The following AFG2A variants were observed in gnomAD, a reference collection of about 807,000 sequenced individuals.
AFG2A encodes AAA ATPase AFG2A.
the AFG2A span, among the ~76,000 whole-genome samples, chr4:123,154,984 C>A: frequency 1.3e-5 from 2 of 152,062 alleles, no homozygotes; most frequent in Admixed American, 6.6e-5. Context: ...TCCCTCTTTT[C>A]TTCCCTCCCT....
chr4:123,211,918 G>T, the AFG2A span, among the ~76,000 whole-genome samples: 139 of 152,128 alleles, frequency 9.1e-4, no homozygotes, highest in Non-Finnish European at 1.7e-3. Context: ...TAATGGACAG[G>T]ATTGGATATA....
chr4:123,074,568 A>G, the AFG2A span, among the ~76,000 whole-genome samples: 1 of 151,150 alleles, frequency 6.6e-6, no homozygotes, highest in African/African-American at 2.4e-5. Flanking sequence ...TGAGTTCTTA[A>G]TTTTTATTAT....
the AFG2A span, chr4:122,947,115 G>A: frequency 1.1e-6 from 1 of 901,526 alleles, no homozygotes; most frequent in Non-Finnish European, 1.5e-6. Context: ...TAAGAAATAG[G>A]ACTTAGTAGC....
At chr4:123,257,067 A>G in the AFG2A span, among the ~76,000 whole-genome samples, 693 of 152,252 alleles carry the variant, frequency 4.6e-3, 5 homozygotes, top group Middle Eastern at 0.017. Context: ...TTTGCTTGCT[A>G]TTGTTTTCAT....
the AFG2A span, among the ~76,000 whole-genome samples, chr4:122,929,766 T>A: frequency 1.1e-3 from 167 of 152,154 alleles, 1 homozygote; most frequent in Middle Eastern, 3.4e-3. Context: ...TCAAAATCAA[T>A]GTGTATGTTA....
the AFG2A span, among the ~76,000 whole-genome samples, chr4:123,020,950 C>A: frequency 6.6e-6 from 1 of 152,078 alleles, no homozygotes; most frequent in East Asian, 1.9e-4. Context: ...ATAAACATTA[C>A]GATTTTTTTC....
chr4:123,085,454 C>T, the AFG2A span, among the ~76,000 whole-genome samples: 1 of 152,044 alleles, frequency 6.6e-6, no homozygotes, highest in Non-Finnish European at 1.5e-5. Flanking sequence ...ATATAATACC[C>T]CTTTTGGTCT....
chr4:123,161,712 C>A, the AFG2A span, among the ~76,000 whole-genome samples: 1 of 152,096 alleles, frequency 6.6e-6, no homozygotes, highest in East Asian at 1.9e-4. Flanking sequence ...TGAGATTTTA[C>A]AAAGGTTAAT....
At chr4:123,012,547 A>G in the AFG2A span, among the ~76,000 whole-genome samples, 9 of 152,292 alleles carry the variant, frequency 5.9e-5, no homozygotes, top group South Asian at 2.1e-4. Context: ...TCAGACACCA[A>G]TGAAATGTGG....
At chr4:123,084,900 C>T in the AFG2A span, among the ~76,000 whole-genome samples, 2 of 151,966 alleles carry the variant, frequency 1.3e-5, no homozygotes, top group Admixed American at 6.6e-5. Context: ...CAAAGTTCTG[C>T]GATTACAGGC....
At chr4:123,118,583 C>CT in the AFG2A span, among the ~76,000 whole-genome samples, 3 of 151,486 alleles carry the variant, frequency 2.0e-5, no homozygotes, top group Non-Finnish European at 4.4e-5. Flanking sequence ...TATTGTCAGT[C>CT]TTTTGCCACT....
At chr4:123,167,528 T>C in the AFG2A span, among the ~76,000 whole-genome samples, 1 of 152,044 alleles carries the variant, frequency 6.6e-6, no homozygotes, top group Non-Finnish European at 1.5e-5. Flanking sequence ...TTTGTATTTT[T>C]AGTAGAGACG....
chr4:122,959,779 A>C, the AFG2A span, among the ~76,000 whole-genome samples: 1 of 152,168 alleles, frequency 6.6e-6, no homozygotes, highest in Non-Finnish European at 1.5e-5. Context: ...ACTTTGTGAG[A>C]GTGATAATGC....
chr4:123,039,647 C>T, the AFG2A span, among the ~76,000 whole-genome samples: 87 of 151,828 alleles, frequency 5.7e-4, no homozygotes, highest in Non-Finnish European at 1.1e-3. Flanking sequence ...CTTTGTACTA[C>T]AATCGTTTTT....
chr4:123,113,851 C>T, the AFG2A span, among the ~76,000 whole-genome samples: 2 of 152,128 alleles, frequency 1.3e-5, no homozygotes, highest in African/African-American at 4.8e-5. Context: ...CAGAAGAGGC[C>T]TGCAGTGAGT....
chr4:123,029,249 C>T, the AFG2A span, among the ~76,000 whole-genome samples: 1 of 152,120 alleles, frequency 6.6e-6, no homozygotes, highest in Non-Finnish European at 1.5e-5. Context: ...AGGTGCCTGG[C>T]AAATTTTTTG....
At chr4:123,314,395 AACATGTTGGCATCAATTTTAT>A in the AFG2A span, 2 of 163,560 alleles carry the variant, frequency 1.2e-5, no homozygotes, top group African/African-American at 4.8e-5. Context: ...TAAAATGCCA[AACATGTTGGCATCAATTTTAT>A]ACAGGGATAT....
the AFG2A span, among the ~76,000 whole-genome samples, chr4:123,046,374 G>A: frequency 2.6e-5 from 4 of 152,152 alleles, no homozygotes; most frequent in Non-Finnish European, 5.9e-5. Context: ...AGTTAATAAA[G>A]TGCTTAGAAC....
the AFG2A span, among the ~76,000 whole-genome samples, chr4:123,057,041 A>G: frequency 2.0e-5 from 3 of 152,196 alleles, no homozygotes; most frequent in Non-Finnish European, 2.9e-5. Flanking sequence ...GGATACTTTT[A>G]CATCCATTAT....
Sources: allele counts gnomAD v4.1 joint callset (sites outside exome capture counted in the v4.1 genomes callset), GRCh38; gene constraint gnomAD v4.1.1; transcripts MANE v1.5; gene names NCBI Gene and HGNC (gene_info 2026-07-23, HGNC 2026-07-21).